ZBTB20: variants seen among roughly 807,000 people sequenced by gnomAD.
The protein encoded by ZBTB20 is zinc finger and BTB domain-containing protein 20.
A neutral mutation model predicts 56.9 loss-of-function variants in ZBTB20; 9 were observed. The observed-to-expected ratio is 0.16, with a 90% CI of 0.10 to 0.28. The LOEUF (loss-of-function observed/expected upper bound fraction) is 0.28. ZBTB20 is among the 10% of genes least tolerant of loss of function. The pLI is 1.00. For synonymous variants in ZBTB20, 417 were observed against 420.7 expected (o/e 0.99, Z 0.11); for missense variants, 655 against 1,003.0 (o/e 0.65, Z 4.69).
At chr3:115,011,238 C>G (rs115669256) in intron 2 of ZBTB20, among the ~76,000 whole-genome samples, 1 of 151,714 alleles carries the variant, frequency 6.6e-6, no homozygotes, top group Non-Finnish European at 1.5e-5. Context: ...AAAGTTTATC[C>G]GAAGGAATAA....
intron 10 of ZBTB20, among the ~76,000 whole-genome samples, chr3:114,353,047 CAGTAGATCTT>C (rs1363108443): frequency 6.6e-6 from 1 of 152,170 alleles, no homozygotes; most frequent in Admixed American, 6.5e-5. Context: ...GTGGCTACAG[CAGTAGATCTT>C]AGGGCTTTTC....
intron 7 of ZBTB20, among the ~76,000 whole-genome samples, chr3:114,437,453 G>A (rs1576757428): frequency 6.6e-6 from 1 of 152,030 alleles, no homozygotes; most frequent in African/African-American, 2.4e-5. Context: ...CTTTCCTAGA[G>A]CAGGGAGGAA....
At chr3:115,090,872 C>T (rs531738666) in intron 1 of ZBTB20, among the ~76,000 whole-genome samples, 6 of 151,856 alleles carry the variant, frequency 4.0e-5, no homozygotes, top group South Asian at 2.1e-4. Context: ...TATGGTAATA[C>T]GTGGACTGAA....
intron 6 of ZBTB20, among the ~76,000 whole-genome samples, chr3:114,625,687 C>T (rs2058620407): frequency 6.6e-6 from 1 of 151,986 alleles, no homozygotes. Flanking sequence ...ACACTGTGAC[C>T]ATATTTCTAC....
In ZBTB20 at chr3:114,351,238, G is replaced by A. The variant is rs1281126599; in HGVS notation, c.840C>T (p.His280=). 3 of 1,600,940 alleles carry A rather than the reference G, an allele frequency of 1.9e-6. No individual in the cohort carries two copies. The highest frequency in any genetic ancestry group is 2.5e-6 in the Non-Finnish European group (3 of 1,178,558). The change falls in exon 11 of 12, where the codon CAC becomes CAT. Residue 280 remains histidine, a synonymous_variant. Coordinates refer to ENST00000675478, the MANE Select transcript of ZBTB20 (RefSeq NM_001348800.3). The part of the protein sequence containing the change: ...HETALGLPRD[H]HMEDPSWITR... The stretch of plus-strand genomic sequence containing the variant: ...TGATCCAGCTGGGGTCTTCCATGTG[G>A]TGGTCGCGGGGCAGGCCGAGCGCAG...
chr3:114,803,775 TTC>T (rs1578940427), intron 4 of ZBTB20, among the ~76,000 whole-genome samples: 7 of 48,864 alleles, frequency 1.4e-4, no homozygotes, highest in South Asian at 2.6e-3. Context: ...ATTTTCAACT[TTC>T]TGTTTTTTTT....
chr3:114,867,688 A>G (rs658569), intron 4 of ZBTB20, among the ~76,000 whole-genome samples: 124,029 of 151,986 alleles, frequency 0.82, 52,813 homozygotes, highest in East Asian at 0.99. Flanking sequence ...ACCTGCCTCC[A>G]CCTCTCAAAG....
At chr3:114,759,865 A>G (rs958134229) in intron 5 of ZBTB20, among the ~76,000 whole-genome samples, 1 of 152,190 alleles carries the variant, frequency 6.6e-6, no homozygotes, top group Non-Finnish European at 1.5e-5. Flanking sequence ...CATGGGCTTG[A>G]ACAAAGCCAC....
chr3:114,832,065 G>T (rs945357612), intron 4 of ZBTB20, among the ~76,000 whole-genome samples: 1 of 152,182 alleles, frequency 6.6e-6, no homozygotes, highest in Non-Finnish European at 1.5e-5. Flanking sequence ...CTATAGACAG[G>T]TCTGAAAAAA....
intron 4 of ZBTB20, among the ~76,000 whole-genome samples, chr3:114,869,779 A>T (rs1054412170): frequency 2.6e-5 from 4 of 152,224 alleles, no homozygotes; most frequent in African/African-American, 9.6e-5. Flanking sequence ...ATCTTTGTGT[A>T]GCCATATGCT....
chr3:114,683,546 T>C (rs1400878279), intron 6 of ZBTB20, among the ~76,000 whole-genome samples: 1 of 151,012 alleles, frequency 6.6e-6, no homozygotes, highest in Non-Finnish European at 1.5e-5. Flanking sequence ...ATAATAAGGA[T>C]TGACAATAAT....
At chr3:114,585,543 C>A (rs1437516895) in intron 6 of ZBTB20, among the ~76,000 whole-genome samples, 2 of 152,166 alleles carry the variant, frequency 1.3e-5, no homozygotes, top group Non-Finnish European at 2.9e-5. Context: ...TTTACCCCTG[C>A]AAGAACAATC....
chr3:114,997,308 G>T (rs765920691), intron 2 of ZBTB20, among the ~76,000 whole-genome samples: 3 of 151,782 alleles, frequency 2.0e-5, no homozygotes, highest in Middle Eastern at 6.8e-3. Context: ...TGATTAAAAC[G>T]TTCTGGAATT....
At chr3:114,862,817 G>A (rs1245636811) in intron 4 of ZBTB20, among the ~76,000 whole-genome samples, 1 of 152,040 alleles carries the variant, frequency 6.6e-6, no homozygotes, top group East Asian at 1.9e-4. Flanking sequence ...ATTTTCTTTT[G>A]GAAGCAGAGG....
At chr3:114,611,465 C>T (rs1342269718) in intron 6 of ZBTB20, among the ~76,000 whole-genome samples, 3 of 152,176 alleles carry the variant, frequency 2.0e-5, no homozygotes, top group Admixed American at 1.3e-4. Context: ...CATACTATAA[C>T]AAAGCTCTCA....
At chr3:115,106,465 C>T (rs2083727597) in intron 1 of ZBTB20, among the ~76,000 whole-genome samples, 1 of 151,588 alleles carries the variant, frequency 6.6e-6, no homozygotes, top group South Asian at 2.1e-4. Flanking sequence ...GATCTCCTGA[C>T]CTTGTGTTCC....
chr3:114,466,294 A>G (rs1032324771), intron 7 of ZBTB20, among the ~76,000 whole-genome samples: 4 of 152,230 alleles, frequency 2.6e-5, no homozygotes, highest in Admixed American at 2.6e-4. Flanking sequence ...CTTTGTTCTC[A>G]TAACATCTAA....
intron 5 of ZBTB20, among the ~76,000 whole-genome samples, chr3:114,729,303 A>G (rs1428091039): frequency 6.6e-6 from 1 of 152,262 alleles, no homozygotes; most frequent in Non-Finnish European, 1.5e-5. Flanking sequence ...ATAGTAAAAT[A>G]GAGAATAACA....
intron 1 of ZBTB20, among the ~76,000 whole-genome samples, chr3:115,084,099 T>C (rs1353376571): frequency 2.0e-5 from 3 of 151,792 alleles, no homozygotes; most frequent in South Asian, 2.1e-4. Context: ...AATAAAATGG[T>C]ATTTAAAGAT....
Sources: gnomAD v4.1 joint callset for allele counts (sites outside exome capture counted in the v4.1 genomes callset) on GRCh38, gnomAD v4.1.1 for gene constraint, MANE v1.5 for transcripts, NCBI Gene and HGNC (gene_info 2026-07-23, HGNC 2026-07-21) for gene names.